The following KIAA0930 variants were observed in gnomAD, a reference collection of about 807,000 sequenced individuals.
KIAA0930 encodes KIAA0930.
Under a neutral mutation model 43.9 loss-of-function variants are expected in KIAA0930, and 24 were observed. The observed-to-expected ratio is 0.55, with a 90% CI of 0.40 to 0.77. KIAA0930 has a LOEUF of 0.77. Among genes scored for constraint, KIAA0930 ranks in the 30% least tolerant of loss-of-function variants. KIAA0930 has a pLI of 0.00. For synonymous variants in KIAA0930, 259 were observed against 216.4 expected (o/e 1.20, Z -1.73); for missense variants, 461 against 574.2 (o/e 0.80, Z 2.02).
chr22:45,204,551 C>A (rs1226705982), intron 5 of KIAA0930, among the ~76,000 whole-genome samples: 1 of 152,166 alleles, frequency 6.6e-6, no homozygotes, highest in Non-Finnish European at 1.5e-5. Context: ...GACATGACCT[C>A]CCTGAGCCTG....
intron 1 of KIAA0930, among the ~76,000 whole-genome samples, chr22:45,227,398 C>T (rs2083808759): frequency 6.6e-6 from 1 of 152,166 alleles, no homozygotes; most frequent in Admixed American, 6.6e-5. Flanking sequence ...TGGGCTCTGC[C>T]TCGTACACTA....
chr22:45,235,694 A>C (rs904034831), intron 1 of KIAA0930, among the ~76,000 whole-genome samples: 1 of 152,200 alleles, frequency 6.6e-6, no homozygotes, highest in Non-Finnish European at 1.5e-5. Flanking sequence ...CCGACTCCAC[A>C]CCAGGGATTT....
At chr22:45,208,895 C>T (rs1344040279) in intron 2 of KIAA0930, among the ~76,000 whole-genome samples, 1 of 152,168 alleles carries the variant, frequency 6.6e-6, no homozygotes, top group Non-Finnish European at 1.5e-5. Flanking sequence ...TGAGGTGTCA[C>T]GTGACCGTGA....
chr22:45,225,834 C>A (rs763932691), intron 1 of KIAA0930, among the ~76,000 whole-genome samples: 2 of 152,254 alleles, frequency 1.3e-5, no homozygotes, highest in Admixed American at 1.3e-4. Context: ...CACAAAGATC[C>A]TGAGAGGTAA....
At chr22:45,213,504 C>G in intron 1 of KIAA0930, 2 of 1,187,638 alleles carry the variant, frequency 1.7e-6, no homozygotes, top group Non-Finnish European at 2.1e-6. Context: ...ACGAAACACG[C>G]GTGCTGTCTG....
chr22:45,234,266 T>C (rs1184422887), intron 1 of KIAA0930, among the ~76,000 whole-genome samples: 1 of 152,070 alleles, frequency 6.6e-6, no homozygotes, highest in African/African-American at 2.4e-5. Flanking sequence ...AGGGCTCAGC[T>C]CCCAGGCCTC....
intron 1 of KIAA0930, among the ~76,000 whole-genome samples, chr22:45,215,039 G>GA (rs1263611484): frequency 6.6e-6 from 1 of 152,182 alleles, no homozygotes; most frequent in Non-Finnish European, 1.5e-5. Context: ...GCAACATGGT[G>GA]AAACCCCATG....
intron 6 of KIAA0930, 29 bp downstream of exon 6, chr22:45,203,816 G>A (rs746036140): frequency 6.2e-7 from 1 of 1,610,290 alleles, no homozygotes; most frequent in Non-Finnish European, 8.5e-7. Context: ...GGGCCCAGAA[G>A]AACACCCGTG....
chr22:45,194,825 G>A lies in KIAA0930; in HGVS notation c.*2351C>T, dbSNP rs1191508835. On this transcript the variant is annotated 3_prime_UTR_variant, in exon 10 of 10. Coordinates refer to ENST00000336156, the MANE Select transcript of KIAA0930 (RefSeq NM_001009880.2). The stretch of plus-strand genomic sequence containing the variant: ...TCCATCTGTCCGGACAGCACCATGT[G>A]GCTCAGCATGCAGGCCAGGCCGCGT... 6.6e-6 allele frequency: 1 copy of A among 152,244 alleles called. No individual in the cohort carries two copies. The highest frequency in any genetic ancestry group is 1.5e-5 in the Non-Finnish European group (1 of 68,056). The allele number at this position is 152,244 out of a possible 1,614,324, so 9.4% of individuals were successfully genotyped here.
At chr22:45,227,430 G>C (rs1175424073) in intron 1 of KIAA0930, among the ~76,000 whole-genome samples, 1 of 151,922 alleles carries the variant, frequency 6.6e-6, no homozygotes, top group Admixed American at 6.5e-5. Flanking sequence ...GCCCACCCAG[G>C]AAAAAAAGGG....
chr22:45,226,313 G>A, intron 1 of KIAA0930: 2 of 471,100 alleles, frequency 4.2e-6, no homozygotes, highest in Non-Finnish European at 8.8e-6. Flanking sequence ...CCGGGCACCT[G>A]GCAAGCTCGT....
intron 1 of KIAA0930, among the ~76,000 whole-genome samples, chr22:45,239,884 CCTGGGCTTCAGT>C (rs1046762883): frequency 3.3e-5 from 5 of 152,056 alleles, no homozygotes; most frequent in African/African-American, 9.7e-5. Context: ...GGGGGCTTCT[CCTGGGCTTCAGT>C]CTGGGCATGA....
intron 1 of KIAA0930, among the ~76,000 whole-genome samples, chr22:45,220,771 G>C (rs895113473): frequency 6.6e-6 from 1 of 151,956 alleles, no homozygotes; most frequent in Non-Finnish European, 1.5e-5. Context: ...TGTAGAGGCA[G>C]GGTTTCGCCA....
intron 1 of KIAA0930, chr22:45,213,328 C>CA: frequency 7.7e-7 from 1 of 1,303,724 alleles, no homozygotes; most frequent in Non-Finnish European, 1.0e-6. Flanking sequence ...CACCCACTCC[C>CA]ATGCCCTGCC....
At chr22:45,235,714 C>T (rs566950223) in intron 1 of KIAA0930, among the ~76,000 whole-genome samples, 2 of 152,246 alleles carry the variant, frequency 1.3e-5, no homozygotes, top group African/African-American at 4.8e-5. Flanking sequence ...TGTGCTGAGC[C>T]TGTACCTGCC....
intron 1 of KIAA0930, among the ~76,000 whole-genome samples, chr22:45,216,641 G>A (rs138379326): frequency 3.3e-5 from 5 of 152,176 alleles, no homozygotes; most frequent in South Asian, 2.1e-4. Flanking sequence ...AGGGGCTGCC[G>A]AGCAAGAAAT....
At chr22:45,232,510 C>G (rs898621012) in intron 1 of KIAA0930, among the ~76,000 whole-genome samples, 1 of 152,160 alleles carries the variant, frequency 6.6e-6, no homozygotes, top group Non-Finnish European at 1.5e-5. Flanking sequence ...GATTCTTCAC[C>G]CTGTTTGAGA....
chr22:45,203,292 C>T, intron 6 of KIAA0930, 108 bp from the exon 7 acceptor site: 2 of 1,176,154 alleles, frequency 1.7e-6, no homozygotes, highest in Non-Finnish European at 2.4e-6. Flanking sequence ...GGAGCGGGGG[C>T]TGCCCGGGAG....
chr22:45,204,156 C>T (rs1025533051), intron 5 of KIAA0930, among the ~76,000 whole-genome samples, 171 bp from the exon 6 acceptor site: 10 of 152,220 alleles, frequency 6.6e-5, no homozygotes, highest in African/African-American at 1.9e-4. Flanking sequence ...AGGACAAGAA[C>T]AGCCTCACAC....
Sources: gnomAD v4.1 joint callset for allele counts (sites outside exome capture counted in the v4.1 genomes callset) on GRCh38, gnomAD v4.1.1 for gene constraint, MANE v1.5 for transcripts, NCBI Gene and HGNC (gene_info 2026-07-23, HGNC 2026-07-21) for gene names.